CADPS: variants seen among roughly 807,000 people sequenced by gnomAD.
The protein encoded by CADPS is calcium dependent secretion activator, also known as calcium-dependent secretion activator 1.
A neutral mutation model predicts 167.3 loss-of-function variants in CADPS; 57 were observed. That is an observed-to-expected ratio of 0.34 (90% CI 0.28 to 0.42). CADPS has a LOEUF of 0.42. Ranked by LOEUF, CADPS falls within the 20% of genes least tolerant of loss-of-function variation. CADPS has a pLI of 1.00. For missense variants in CADPS, 1,414 were observed against 1,738.1 expected (o/e 0.81, Z 3.32); for synonymous variants, 676 against 635.3 (o/e 1.06, Z -0.96).
At chr3:62,756,117 G>A (rs117613102) in intron 2 of CADPS, among the ~76,000 whole-genome samples, 3,073 of 150,698 alleles carry the variant, frequency 0.02, 54 homozygotes, top group South Asian at 0.06. Flanking sequence ...ACAGTGGTGC[G>A]ATCTTGGCTC....
rs139495239 is a variant in CADPS at position 62,708,938 on chromosome 3, C to T, written c.888+44503G>A. On this transcript the variant is annotated intron_variant, in intron 3 of 29. Transcript: ENST00000383710. ...CACAATTAGCTACTGGAGCCTCTCT[C>T]TTTGCAAGGGCTCCACCCTGGGAGG... is the stretch of plus-strand genomic sequence containing the variant. Among the ~76,000 whole-genome samples, 704 of 152,126 alleles carry T rather than the reference C, an allele frequency of 4.6e-3. 10 individuals are homozygous for T. Among genetic ancestry groups the T allele is most frequent in the African/African-American group, 0.016 (674 of 41,486 alleles).
chr3:62,779,449 C>T, intron 1 of CADPS: 2 of 523,536 alleles, frequency 3.8e-6, no homozygotes, highest in South Asian at 3.0e-5. Flanking sequence ...CCTCATTTTG[C>T]CTTCATGACT....
chr3:62,457,073 T>C (rs1287311505), intron 26 of CADPS, among the ~76,000 whole-genome samples: 1 of 152,206 alleles, frequency 6.6e-6, no homozygotes, highest in East Asian at 1.9e-4. Flanking sequence ...CCACTCTTAG[T>C]TCAGCAATTT....
intron 26 of CADPS, among the ~76,000 whole-genome samples, chr3:62,461,519 A>G (rs1315893441): frequency 6.6e-6 from 1 of 152,114 alleles, no homozygotes; most frequent in South Asian, 2.1e-4. Context: ...TCTCCAGTCA[A>G]GTCTCCACCC....
chr3:62,579,659 G>C (rs1349706034), intron 8 of CADPS, among the ~76,000 whole-genome samples: 1 of 152,132 alleles, frequency 6.6e-6, no homozygotes, highest in Non-Finnish European at 1.5e-5. Flanking sequence ...TGCCTAGGAG[G>C]AAAAGCAAGG....
chr3:62,556,475 T>C (rs2078164801), intron 10 of CADPS, among the ~76,000 whole-genome samples: 1 of 152,182 alleles, frequency 6.6e-6, no homozygotes, highest in Non-Finnish European at 1.5e-5. Context: ...TTTTGTTGCA[T>C]GTGGAAGAGC....
chr3:62,790,355 G>T (rs1165888502), intron 1 of CADPS, among the ~76,000 whole-genome samples: 1 of 152,056 alleles, frequency 6.6e-6, no homozygotes, highest in African/African-American at 2.4e-5. Flanking sequence ...TGATACAAGA[G>T]AAATTACTTT....
rs115332891 is a variant in CADPS, at chr3:62,701,444, T to C, written c.889-39050A>G. On this transcript the variant is annotated intron_variant, in intron 3 of 29. Transcript: ENST00000383710. ...CTCTGTGACCACTGAGGAGTCTCTT[T>C]CCAAAGCCCAAGGGCAAAGTGATGC... Among the ~76,000 whole-genome samples, 484 of 150,972 alleles carry C rather than the reference T, an allele frequency of 3.2e-3. 4 individuals are homozygous for C. The highest frequency in any genetic ancestry group is 0.011 in the African/African-American group (453 of 41,142).
chr3:62,714,112 C>T (rs1426800439), intron 3 of CADPS, among the ~76,000 whole-genome samples: 1 of 152,020 alleles, frequency 6.6e-6, no homozygotes, highest in Admixed American at 6.5e-5. Context: ...AACATCTGTT[C>T]AATACCAAGA....
chr3:62,744,949 A>G (rs539477673), intron 3 of CADPS, among the ~76,000 whole-genome samples: 1 of 152,380 alleles, frequency 6.6e-6, no homozygotes, highest in African/African-American at 2.4e-5. Context: ...CAAGTGATAG[A>G]GAAGTAAGAA....
intron 1 of CADPS, among the ~76,000 whole-genome samples, chr3:62,798,443 C>T (rs1335873918): frequency 6.6e-6 from 1 of 152,126 alleles, no homozygotes; most frequent in East Asian, 1.9e-4. Context: ...CCAGTGAAGC[C>T]TGCACTGTTG....
intron 1 of CADPS, among the ~76,000 whole-genome samples, chr3:62,868,546 G>A (rs2082103383): frequency 6.6e-6 from 1 of 152,026 alleles, no homozygotes. Context: ...TAAATGTTGA[G>A]AACTAATTCA....
intron 1 of CADPS, among the ~76,000 whole-genome samples, chr3:62,772,508 A>G (rs867396654): frequency 1.3e-5 from 2 of 152,344 alleles, no homozygotes; most frequent in Non-Finnish European, 2.9e-5. Context: ...CTATCTCATG[A>G]CCATCCAGGA....
chr3:62,656,108 A>G (rs1300758751), intron 4 of CADPS, among the ~76,000 whole-genome samples: 3 of 152,202 alleles, frequency 2.0e-5, no homozygotes, highest in Non-Finnish European at 2.9e-5. Flanking sequence ...TAAACCTCAC[A>G]GAATTATTGT....
Position 62,544,749 on chromosome 3 carries a change from T to C in CADPS, c.1966+5154A>G, listed in dbSNP as rs1480620306. The C allele has an allele frequency of 1.8e-5, 9 of 493,306 alleles. No individual in the cohort carries two copies. Among genetic ancestry groups the C allele is most frequent in the African/African-American group, 6.3e-5 (3 of 47,670 alleles). The allele number at this position is 493,306 out of a possible 1,614,324, so 30.6% of individuals were successfully genotyped here. On this transcript the variant is annotated intron_variant, in intron 11 of 29. Coordinates refer to ENST00000383710, the MANE Select transcript of CADPS (RefSeq NM_003716.4). The surrounding 1 kb of genome is among the most constrained non-coding windows in gnomAD (Gnocchi z 4.4). ...ACATGAAAAGTTGTACTACAAATTC[T>C]AGACATGAGGAAGATTTAAGGGGGA... is the stretch of plus-strand genomic sequence containing the variant.
chr3:62,681,287 C>T (rs911050733), intron 3 of CADPS, among the ~76,000 whole-genome samples: 4 of 152,062 alleles, frequency 2.6e-5, no homozygotes, highest in Admixed American at 2.6e-4. Context: ...AAAAACTATG[C>T]CCTCTCCATC....
intron 18 of CADPS, among the ~76,000 whole-genome samples, chr3:62,495,978 A>G (rs985650031): frequency 6.6e-6 from 1 of 152,078 alleles, no homozygotes; most frequent in African/African-American, 2.4e-5. Context: ...AGGCAAGCCT[A>G]CTAGTCACTT....
intron 1 of CADPS, chr3:62,795,996 G>T (rs1210174722): frequency 6.6e-6 from 1 of 152,254 alleles, no homozygotes; most frequent in African/African-American, 2.4e-5. Flanking sequence ...GGAAGGGATG[G>T]CATGGGCCAG....
Position 62,875,075 on chromosome 3 carries a change from G to T in CADPS, c.-46C>A, listed in dbSNP as rs1231662264. ...GTCTCTGGAGCCCCCGGCTTGGAGT[G>T]CAAAAGGTGGGGGGCGCTGGAGGCA... is the stretch of plus-strand genomic sequence containing the variant. On this transcript the variant is annotated 5_prime_UTR_variant, in exon 1 of 30. Coordinates refer to ENST00000383710, the MANE Select transcript of CADPS (RefSeq NM_003716.4). 2 of 1,537,254 alleles carry T rather than the reference G, an allele frequency of 1.3e-6. No individual in the cohort carries two copies. The highest frequency in any genetic ancestry group is 3.7e-5 in the Admixed American group (2 of 54,414).
Sources: allele counts gnomAD v4.1 joint callset (sites outside exome capture counted in the v4.1 genomes callset), GRCh38; gene constraint gnomAD v4.1.1; non-coding constraint Gnocchi (gnomAD v3.1); transcripts MANE v1.5; gene names NCBI Gene and HGNC (gene_info 2026-07-23, HGNC 2026-07-21).